ROBO1: variants seen among roughly 807,000 people sequenced by gnomAD.
ROBO1 encodes the protein roundabout homolog 1.
A neutral mutation model predicts 195.9 loss-of-function variants in ROBO1; 149 were observed. That is an observed-to-expected ratio of 0.76 (90% CI 0.67 to 0.87). The LOEUF (loss-of-function observed/expected upper bound fraction) is 0.87, where lower values mean the gene tolerates loss of function less well. Among genes scored for constraint, ROBO1 ranks in the 40% least tolerant of loss-of-function variants. The pLI is 0.00. For synonymous variants in ROBO1, 816 were observed against 733.2 expected, an observed-to-expected ratio of 1.11 and a Z score of -1.82; for missense variants, 1,933 against 2,068.3, an observed-to-expected ratio of 0.93 and a Z score of 1.27.
intron 2 of ROBO1, among the ~76,000 whole-genome samples, chr3:79,341,091 A>G (rs1411003586): frequency 6.6e-6 from 1 of 152,224 alleles, no homozygotes; most frequent in East Asian, 1.9e-4. Context: ...GGTAAGTCCA[A>G]GTATTGACGA....
intron 2 of ROBO1, among the ~76,000 whole-genome samples, chr3:79,346,400 T>A (rs866552661): frequency 6.6e-6 from 1 of 152,162 alleles, no homozygotes; most frequent in Admixed American, 6.6e-5. Context: ...TGTTGGGATT[T>A]TCTACATCAT....
chr3:78,668,383 A>C, intron 12 of ROBO1, 81 bp from the exon 13 acceptor site: 1 of 1,585,996 alleles, frequency 6.3e-7, no homozygotes. Context: ...ACATATTCAT[A>C]CACCTACTCA....
At chr3:79,749,744 T>C (rs1340711145) in intron 1 of ROBO1, among the ~76,000 whole-genome samples, 1 of 152,178 alleles carries the variant, frequency 6.6e-6, no homozygotes, top group Non-Finnish European at 1.5e-5. Flanking sequence ...AAGTCAATAA[T>C]TGACGTTTGG....
intron 4 of ROBO1, among the ~76,000 whole-genome samples, chr3:78,831,783 A>G (rs749109329): frequency 6.6e-6 from 1 of 152,244 alleles, no homozygotes; most frequent in African/African-American, 2.4e-5. Context: ...GCAAAGGATG[A>G]GCAAAGTCAC....
chr3:79,271,736 A>G (rs2108973363), intron 2 of ROBO1, among the ~76,000 whole-genome samples: 1 of 152,078 alleles, frequency 6.6e-6, no homozygotes, highest in African/African-American at 2.4e-5. Context: ...CTATTCTCCC[A>G]CTTTCATCTA....
At chr3:79,635,639 T>A (rs1185916561) in intron 1 of ROBO1, among the ~76,000 whole-genome samples, 1 of 152,162 alleles carries the variant, frequency 6.6e-6, no homozygotes, top group Non-Finnish European at 1.5e-5. Flanking sequence ...CAATATTGTA[T>A]AAGGTTATTA....
chr3:78,799,543 G>C (rs542738026), intron 4 of ROBO1, among the ~76,000 whole-genome samples: 41 of 151,730 alleles, frequency 2.7e-4, no homozygotes, highest in African/African-American at 8.9e-4. Flanking sequence ...GGGTTTCACC[G>C]TGTTAGCCAG....
chr3:79,499,788 C>T (rs1939957083), intron 2 of ROBO1, among the ~76,000 whole-genome samples: 1 of 152,116 alleles, frequency 6.6e-6, no homozygotes, highest in Non-Finnish European at 1.5e-5. Flanking sequence ...TTAAGACCTT[C>T]ATTAAGATCA....
chr3:79,000,368 C>T (rs1273903883), intron 3 of ROBO1, among the ~76,000 whole-genome samples: 1 of 152,094 alleles, frequency 6.6e-6, no homozygotes, highest in Non-Finnish European at 1.5e-5. Context: ...CATTCTGGAG[C>T]TAGCATGTTT....
At chr3:78,718,738 T>C (rs566568980) in intron 5 of ROBO1, among the ~76,000 whole-genome samples, 1 of 150,190 alleles carries the variant, frequency 6.7e-6, no homozygotes, top group South Asian at 2.1e-4. Context: ...AGAATGTTTA[T>C]TCATAGAGGT....
chr3:79,531,844 C>T (rs1005209403), intron 2 of ROBO1, among the ~76,000 whole-genome samples: 10 of 100,526 alleles, frequency 9.9e-5, no homozygotes, highest in Admixed American at 3.5e-4. Context: ...GCATGAAGTC[C>T]GAATCATAGT....
intron 2 of ROBO1, among the ~76,000 whole-genome samples, chr3:79,480,618 ATG>A (rs573074627): frequency 6.6e-6 from 1 of 151,792 alleles, no homozygotes; most frequent in East Asian, 1.9e-4. Context: ...ATTTGTGTGT[ATG>A]TGTGTGTGTG....
At chr3:79,001,792 G>A (rs1033149248) in intron 3 of ROBO1, among the ~76,000 whole-genome samples, 1 of 151,964 alleles carries the variant, frequency 6.6e-6, no homozygotes, top group Admixed American at 6.6e-5. Context: ...TAATAATACT[G>A]AAGGCAACCT....
chr3:79,573,948 G>A (rs978084801), intron 2 of ROBO1, among the ~76,000 whole-genome samples: 1 of 152,026 alleles, frequency 6.6e-6, no homozygotes, highest in African/African-American at 2.4e-5. Flanking sequence ...TGGTGAACAT[G>A]TATATATTAC....
intron 3 of ROBO1, among the ~76,000 whole-genome samples, chr3:78,965,244 A>G (rs73851607): frequency 0.017 from 2,651 of 152,218 alleles, 74 homozygotes; most frequent in African/African-American, 0.059. Flanking sequence ...TACATTCAAT[A>G]CATTTAGGAA....
chr3:79,188,962 T>C (rs1486013926), intron 2 of ROBO1, among the ~76,000 whole-genome samples: 1 of 151,770 alleles, frequency 6.6e-6, no homozygotes, highest in Non-Finnish European at 1.5e-5. Context: ...GGGAGCTTGT[T>C]TGCCCCTTCT....
At chr3:78,991,061 C>T (rs1388387670) in intron 3 of ROBO1, among the ~76,000 whole-genome samples, 1 of 151,998 alleles carries the variant, frequency 6.6e-6, no homozygotes, top group Admixed American at 6.6e-5. Flanking sequence ...CAGGTAATAA[C>T]CTACATTAAA....
chr3:79,637,665 T>C (rs1945535935), intron 1 of ROBO1, among the ~76,000 whole-genome samples: 1 of 152,108 alleles, frequency 6.6e-6, no homozygotes, highest in Non-Finnish European at 1.5e-5. Context: ...TTTTTTATTA[T>C]ATAAGATATA....
chr3:78,815,861 T>C (rs557359705), intron 4 of ROBO1, among the ~76,000 whole-genome samples: 2 of 152,308 alleles, frequency 1.3e-5, no homozygotes, highest in Non-Finnish European at 2.9e-5. Flanking sequence ...GTCAGTGTCA[T>C]TCATGAGGGT....
Sources: allele counts gnomAD v4.1 joint callset (sites outside exome capture counted in the v4.1 genomes callset), GRCh38; gene constraint gnomAD v4.1.1; transcripts MANE v1.5; gene names NCBI Gene and HGNC (gene_info 2026-07-23, HGNC 2026-07-21).